The following RIMS2 variants were observed in gnomAD, a reference collection of about 807,000 sequenced individuals.
RIMS2 encodes the protein regulating synaptic membrane exocytosis 2, also known as regulating synaptic membrane exocytosis protein 2.
A neutral mutation model predicts 174.4 loss-of-function variants in RIMS2; 59 were observed. That is an observed-to-expected ratio of 0.34 (90% CI 0.27 to 0.42). The LOEUF (loss-of-function observed/expected upper bound fraction) is 0.42. Among genes scored for constraint, RIMS2 ranks in the 10% least tolerant of loss-of-function variants. The probability of loss-of-function intolerance (pLI) is 1.00; values close to 1 mark genes in which losing one functional copy is unlikely to be tolerated. For synonymous variants in RIMS2, 606 were observed against 572.5 expected (o/e 1.06, Z -0.84); for missense variants, 1,620 against 1,666.3 (o/e 0.97, Z 0.48).
intron 1 of RIMS2, among the ~76,000 whole-genome samples, chr8:103,540,887 G>A (rs1842278043): frequency 6.6e-6 from 1 of 152,024 alleles, no homozygotes; most frequent in Non-Finnish European, 1.5e-5. Flanking sequence ...ATGCAATAGG[G>A]AATGTCAGCA....
chr8:104,159,346 T>C (rs185766093), intron 19 of RIMS2, among the ~76,000 whole-genome samples: 3 of 152,196 alleles, frequency 2.0e-5, no homozygotes, highest in Non-Finnish European at 4.4e-5. Flanking sequence ...TCCAGCTTTG[T>C]TCTTTTTGCT....
At chr8:103,928,225 C>T (rs1294013782) in intron 11 of RIMS2, among the ~76,000 whole-genome samples, 5 of 151,432 alleles carry the variant, frequency 3.3e-5, no homozygotes, top group Non-Finnish European at 7.4e-5. Flanking sequence ...TTGATATTTT[C>T]CTTTATTACA....
rs553709596 is a variant in RIMS2, at chr8:103,695,331, T to C, written c.177-1755T>C. Among the ~76,000 whole-genome samples the C allele has an allele frequency of 5.6e-4, 86 of 152,350 alleles. 1 individual carries two copies. The highest frequency in any genetic ancestry group is 1.8e-3 in the African/African-American group (73 of 41,580). Reference sequence around the variant, plus strand: ...GAAAGTCCTTTTCCCTCAACTTGCTTATGTCAGTCTCCATTGATTTTTTTC... The same window carrying C: ...GAAAGTCCTTTTCCCTCAACTTGCTCATGTCAGTCTCCATTGATTTTTTTC... On this transcript the variant is annotated intron_variant, in intron 1 of 23. Transcript: ENST00000504942.
chr8:103,766,190 G>C (rs975757907), intron 2 of RIMS2, 37 bp from the exon 6 acceptor site: 1 of 1,437,890 alleles, frequency 7.0e-7, no homozygotes, highest in South Asian at 1.3e-5. Flanking sequence ...TAACTTTTGG[G>C]AACACTAATT....
rs186375033 is a variant in RIMS2, at chr8:104,022,637, C to T, written c.3334+8022C>T. Among the ~76,000 whole-genome samples the T allele has an allele frequency of 1.6e-3, 250 of 152,180 alleles. 1 individual carries two copies. Among genetic ancestry groups the T allele is most frequent in the Non-Finnish European group, 3.0e-3 (205 of 67,980 alleles). On this transcript the variant is annotated intron_variant, in intron 19 of 23. Transcript: ENST00000504942. ...CTCAGGTGATCCTCCCGCCTCGTCT[C>T]GGCCTCCCAAAGTGCTGGGATTACA...
chr8:103,591,923 C>A (rs1407336523), intron 1 of RIMS2, among the ~76,000 whole-genome samples: 1 of 151,034 alleles, frequency 6.6e-6, no homozygotes, highest in African/African-American at 2.4e-5. Flanking sequence ...ATCAGCTAGT[C>A]AATTATTACA....
intron 19 of RIMS2, among the ~76,000 whole-genome samples, chr8:104,157,601 T>C (rs762982990): frequency 3.3e-5 from 5 of 152,198 alleles, no homozygotes; most frequent in Non-Finnish European, 7.3e-5. Context: ...ACTTTGTCTT[T>C]GTGAATTTGA....
chr8:103,737,996 C>T (rs112650638), intron 2 of RIMS2, among the ~76,000 whole-genome samples: 66 of 152,164 alleles, frequency 4.3e-4, no homozygotes, highest in African/African-American at 1.5e-3. Context: ...CTCCACTAGA[C>T]GATAAGTTCC....
chr8:103,809,012 A>T (rs901377568), intron 3 of RIMS2, among the ~76,000 whole-genome samples: 1 of 152,140 alleles, frequency 6.6e-6, no homozygotes, highest in African/African-American at 2.4e-5. Flanking sequence ...ACACATAATT[A>T]TTCATGGATT....
Position 103,925,280 on chromosome 8 carries a change from T to G in RIMS2, c.2197-2562T>G, listed in dbSNP as rs191151392. On this transcript the variant is annotated intron_variant, in intron 10 of 23. Coordinates refer to ENST00000504942, the Ensembl canonical transcript of RIMS2. ...TTGCAGTGTTTTTCCAAGTTACTTT[T>G]AAAAATATCTTTTGACTCCATTTTA... 1.9e-4 allele frequency among the ~76,000 whole-genome samples: 29 copies of G among 151,746 alleles called. No individual in the cohort carries two copies. The East Asian group carries it at 5.2e-3, about 27-fold the overall frequency.
chr8:103,883,646 A>AT, intron 3 of RIMS2, among the ~76,000 whole-genome samples: 1 of 151,950 alleles, frequency 6.6e-6, no homozygotes, highest in Admixed American at 6.6e-5. Flanking sequence ...GGATAGACTA[A>AT]TTTTTTCACT....
intron 19 of RIMS2, among the ~76,000 whole-genome samples, chr8:104,230,745 C>T (rs758464620): frequency 4.6e-5 from 7 of 152,056 alleles, no homozygotes; most frequent in African/African-American, 1.4e-4. Context: ...TCAGTGAAGT[C>T]GGACGGGAAT....
intron 2 of RIMS2, among the ~76,000 whole-genome samples, chr8:103,755,013 C>T (rs925096806): frequency 2.6e-5 from 4 of 152,114 alleles, no homozygotes; most frequent in East Asian, 3.9e-4. Flanking sequence ...TATGCAGTTC[C>T]TTCATAGTGT....
At chr8:104,063,620 T>A (rs1477606369) in intron 19 of RIMS2, among the ~76,000 whole-genome samples, 1 of 152,218 alleles carries the variant, frequency 6.6e-6, no homozygotes, top group Non-Finnish European at 1.5e-5. Flanking sequence ...AATTGCAAAT[T>A]TCTAATTTTC....
chr8:104,116,825 T>C (rs1261020357), intron 19 of RIMS2, among the ~76,000 whole-genome samples: 2 of 152,186 alleles, frequency 1.3e-5, no homozygotes, highest in Non-Finnish European at 2.9e-5. Flanking sequence ...AACTTAAGTA[T>C]AAATGGTAAT....
chr8:103,746,332 T>C (rs1007429962), intron 2 of RIMS2, among the ~76,000 whole-genome samples: 1 of 152,194 alleles, frequency 6.6e-6, no homozygotes, highest in Non-Finnish European at 1.5e-5. Flanking sequence ...ATCTCAGTCA[T>C]TATAACTGTA....
chr8:104,162,231 A>C (rs2098767140), intron 19 of RIMS2, among the ~76,000 whole-genome samples: 1 of 152,180 alleles, frequency 6.6e-6, no homozygotes, highest in Non-Finnish European at 1.5e-5. Context: ...TACTGTAGAC[A>C]TATTTTTGAA....
intron 3 of RIMS2, among the ~76,000 whole-genome samples, chr8:103,876,909 T>TATACACACAC (rs71297243): frequency 1.7e-4 from 11 of 66,120 alleles, no homozygotes; most frequent in Non-Finnish European, 3.6e-4. Flanking sequence ...TATATATATA[T>TATACACACAC]ACACACACAC....
chr8:104,186,493 G>A (rs772986527), intron 19 of RIMS2, among the ~76,000 whole-genome samples: 10 of 151,502 alleles, frequency 6.6e-5, no homozygotes, highest in Non-Finnish European at 1.0e-4. Context: ...TTACTCCGAG[G>A]GGTTTGACTT....
Sources: gnomAD v4.1 joint callset for allele counts (sites outside exome capture counted in the v4.1 genomes callset) on GRCh38, gnomAD v4.1.1 for gene constraint, MANE v1.5 for transcripts, NCBI Gene and HGNC (gene_info 2026-07-23, HGNC 2026-07-21) for gene names.